FRMPD4: variants seen among roughly 807,000 people sequenced by gnomAD.
FRMPD4 encodes FERM and PDZ domain containing 4, also known as FERM and PDZ domain-containing protein 4.
In FRMPD4, 22 loss-of-function variants were observed where a neutral mutation model predicts 94.1. The observed-to-expected ratio is 0.23, with a 90% CI of 0.17 to 0.33. The LOEUF (loss-of-function observed/expected upper bound fraction) is 0.33. FRMPD4 is among the 10% of genes least tolerant of loss of function. The probability of loss-of-function intolerance (pLI) is 1.00; values close to 1 mark genes in which losing one functional copy is unlikely to be tolerated. For synonymous variants in FRMPD4, 631 were observed against 548.6 expected (o/e 1.15, Z -2.10); for missense variants, 1,111 against 1,339.9 (o/e 0.83, Z 2.67).
intron 1 of FRMPD4, among the ~76,000 whole-genome samples, chrX:12,243,790 CTTTTTTTTTTTTTTTT>C (rs148889684): frequency 3.5e-4 from 8 of 22,914 alleles, no homozygotes; most frequent in East Asian, 1.5e-3. Flanking sequence ...ATCTAAAGGG[CTTTTTTTTTTTTTTTT>C]TTTTTTTTTT....
At chrX:12,143,439 A>T (rs1310461380) in intron 1 of FRMPD4, among the ~76,000 whole-genome samples, 4 of 112,879 alleles carry the variant, frequency 3.5e-5, no homozygotes, top group Non-Finnish European at 7.5e-5. Flanking sequence ...CTATGGCTGC[A>T]TTTGCCTGAC....
chrX:12,232,358 G>A (rs142802295), intron 1 of FRMPD4, among the ~76,000 whole-genome samples: 188 of 111,493 alleles, frequency 1.7e-3, no homozygotes, highest in Middle Eastern at 4.6e-3. Flanking sequence ...AAGCGAACAC[G>A]TCCTTCACAA....
chrX:12,314,146 T>C (rs187951505), intron 1 of FRMPD4, among the ~76,000 whole-genome samples: 118 of 112,725 alleles, frequency 1.0e-3, no homozygotes, highest in African/African-American at 3.7e-3. Flanking sequence ...AATCAACTAA[T>C]TACTGATTAC....
At chrX:12,195,197 A>T (rs2056552644) in intron 1 of FRMPD4, among the ~76,000 whole-genome samples, 1 of 111,921 alleles carries the variant, frequency 8.9e-6, no homozygotes, top group Admixed American at 9.5e-5. Context: ...CCCAACTGTC[A>T]AATTCACTAA....
intron 3 of FRMPD4, among the ~76,000 whole-genome samples, chrX:12,017,140 GCT>G (rs1453735191): frequency 1.8e-5 from 2 of 111,847 alleles, no homozygotes; most frequent in East Asian, 5.6e-4. Flanking sequence ...TCCATTTCCT[GCT>G]CTCACTTCTA....
chrX:12,452,009 A>C (rs1268043558), intron 1 of FRMPD4, among the ~76,000 whole-genome samples: 2 of 110,331 alleles, frequency 1.8e-5, no homozygotes, highest in African/African-American at 6.6e-5. Flanking sequence ...ATCAGAAGAG[A>C]TGCTGTATAA....
intron 1 of FRMPD4, among the ~76,000 whole-genome samples, chrX:12,314,935 G>C (rs1474153886): frequency 8.9e-6 from 1 of 112,152 alleles, no homozygotes. Context: ...AACCACAGCT[G>C]CTGGGTTGCC....
At chrX:11,992,877 G>A (rs1006132846) in intron 3 of FRMPD4, among the ~76,000 whole-genome samples, 2 of 109,425 alleles carry the variant, frequency 1.8e-5, no homozygotes, top group African/African-American at 6.7e-5. Flanking sequence ...TGGGATTCAG[G>A]GTGATGAAAA....
chrX:12,661,011 T>C (rs1460583036), intron 4 of FRMPD4, among the ~76,000 whole-genome samples: 1 of 112,410 alleles, frequency 8.9e-6, no homozygotes, highest in Non-Finnish European at 1.9e-5. Flanking sequence ...ACTTCTAACA[T>C]GGTATCCGGC....
chrX:12,007,215 T>A (rs1490847969), intron 3 of FRMPD4, among the ~76,000 whole-genome samples: 1 of 111,104 alleles, frequency 9.0e-6, no homozygotes, highest in Admixed American at 9.6e-5. Context: ...AGGACCACAT[T>A]GAGAGTAACT....
At position 12,139,024 on chromosome X, in the gene FRMPD4, G is replaced by A. The variant is rs1208451655; in HGVS notation, c.41+12G>A. 1.8e-6 allele frequency: 2 copies of A among 1,141,741 alleles called. No individual in the cohort carries two copies. The highest frequency in any genetic ancestry group is 1.8e-5 in the African/African-American group (1 of 55,283). The allele number at this position is 1,141,741 out of a possible 1,213,427, so 94.1% of individuals were successfully genotyped here. On this transcript the variant is annotated intron_variant, in intron 1 of 16. Transcript: ENST00000675598. ...GCAAAGCTTTCGAGGTAGGGGCTGC[G>A]CGGGTTCCGTTTGCACCCAGGGCCG...
At chrX:12,255,833 T>G (rs1046604941) in intron 1 of FRMPD4, among the ~76,000 whole-genome samples, 1 of 111,763 alleles carries the variant, frequency 8.9e-6, no homozygotes, top group Non-Finnish European at 1.9e-5. Flanking sequence ...GTTGTACAGT[T>G]TCTAGTTTCT....
chrX:12,618,150 A>C lies in FRMPD4; in HGVS notation c.422+3269A>C, dbSNP rs750610091. On this transcript the variant is annotated intron_variant, in intron 4 of 16. Transcript: ENST00000675598. ...TATCTTTCTTCTTTAAAAGTATCTA[A>C]GGATAATTTTCTTTTCACAATTAGA... Among the ~76,000 whole-genome samples, 17 of 111,862 alleles carry C rather than the reference A, an allele frequency of 1.5e-4. No homozygotes were observed. The Admixed American group carries it at 1.6e-3, about 11-fold the overall frequency.
Position 12,377,228 on chromosome X carries a change from C to CA in FRMPD4, c.42-121446dup, listed in dbSNP as rs1185051996. Among the ~76,000 whole-genome samples the CA allele has an allele frequency of 3.6e-5, 4 of 111,866 alleles. No individual in the cohort carries two copies. In the South Asian group the frequency reaches 1.1e-3, roughly 31 times the overall value. ...AAAGTTGGGGCAATTTTAAGGGGGA[C>CA]AAAAAATCAAAACAGTGTTGTCTTT... On this transcript the variant is annotated intron_variant, in intron 1 of 16. Coordinates refer to ENST00000675598, the MANE Select transcript of FRMPD4 (RefSeq NM_001368397.1).
intron 2 of FRMPD4, chrX:12,583,594 A>G (rs1314677339): frequency 1.0e-5 from 6 of 598,950 alleles, no homozygotes; most frequent in Non-Finnish European, 1.5e-5. Context: ...GCTGAGCCTC[A>G]GTGCTGGTAA....
intron 1 of FRMPD4, among the ~76,000 whole-genome samples, chrX:12,256,094 C>G (rs1428287053): frequency 1.8e-5 from 2 of 111,784 alleles, no homozygotes; most frequent in Non-Finnish European, 3.8e-5. Context: ...GCTTGACCAT[C>G]CCCCTATTGG....
chrX:12,167,839 C>G (rs1402347863), intron 1 of FRMPD4, among the ~76,000 whole-genome samples: 1 of 111,819 alleles, frequency 8.9e-6, no homozygotes, highest in African/African-American at 3.3e-5. Flanking sequence ...TTAAAGTAAA[C>G]AAATTATTTG....
intron 4 of FRMPD4, among the ~76,000 whole-genome samples, chrX:12,660,421 A>G (rs1055718245): frequency 9.0e-6 from 1 of 111,577 alleles, no homozygotes; most frequent in African/African-American, 3.3e-5. Flanking sequence ...TAATGTTACA[A>G]TTGGCAAATC....
intron 1 of FRMPD4, among the ~76,000 whole-genome samples, chrX:12,335,353 C>G (rs1338711052): frequency 9.0e-6 from 1 of 111,252 alleles, no homozygotes; most frequent in Non-Finnish European, 1.9e-5. Flanking sequence ...GTCTCGAACT[C>G]CTGTACTCAA....
Sources: gnomAD v4.1 joint callset for allele counts (sites outside exome capture counted in the v4.1 genomes callset) on GRCh38, gnomAD v4.1.1 for gene constraint, MANE v1.5 for transcripts, NCBI Gene and HGNC (gene_info 2026-07-23, HGNC 2026-07-21) for gene names.